The following ZFYVE26 variants were observed in gnomAD, a reference collection of about 807,000 sequenced individuals.
ZFYVE26 encodes the protein zinc finger FYVE-type containing 26, also known as zinc finger FYVE domain-containing protein 26.
ZFYVE26 carries 181 observed loss-of-function variants against 276.5 expected under a neutral mutation model. That is an observed-to-expected ratio of 0.65 (90% confidence interval 0.58 to 0.74). The LOEUF (loss-of-function observed/expected upper bound fraction) is 0.74, where lower values mean the gene tolerates loss of function less well. ZFYVE26 is among the 30% of genes least tolerant of loss of function. ZFYVE26 has a pLI of 0.00. For missense variants in ZFYVE26, 2,821 were observed against 3,097.9 expected (o/e 0.91, Z 2.12); for synonymous variants, 1,129 against 1,203.1 (o/e 0.94, Z 1.27).
chr14:67,790,455 G>T, intron 15 of ZFYVE26, 117 bp downstream of exon 15: 1 of 1,107,128 alleles, frequency 9.0e-7, no homozygotes, highest in Non-Finnish European at 1.3e-6. Flanking sequence ...CAAGGCAGGT[G>T]TCCTGTATTT....
chr14:67,765,631 G>C (rs953724604), intron 32 of ZFYVE26, among the ~76,000 whole-genome samples: 1 of 152,206 alleles, frequency 6.6e-6, no homozygotes, highest in Non-Finnish European at 1.5e-5. Flanking sequence ...AGGAGTCACT[G>C]TCAGGTTAAT....
Position 67,777,843 on chromosome 14 carries a change from C to A in ZFYVE26, c.4798-108G>T, listed in dbSNP as rs570575572. On this transcript the variant is annotated intron_variant, in intron 24 of 41. Coordinates refer to ENST00000347230, the MANE Select transcript of ZFYVE26 (RefSeq NM_015346.4). ...TTAGGTTTACTCATTTTGGACTAAC[C>A]CTTTCTCTATACTCCTTTTTTTTTT... 5.4e-5 allele frequency: 77 copies of A among 1,428,840 alleles called. No individual in the cohort carries two copies. In the South Asian group the frequency reaches 8.3e-4, roughly 15 times the overall value. 88.5% of individuals were successfully genotyped at this position (1,428,840 alleles called of 1,614,324 possible).
intron 37 of ZFYVE26, among the ~76,000 whole-genome samples, chr14:67,754,639 G>A (rs755519875): frequency 2.6e-5 from 4 of 152,344 alleles, no homozygotes; most frequent in Non-Finnish European, 1.5e-5. Flanking sequence ...CAGATGTTGT[G>A]TTCTATGTAG....
At chr14:67,796,021 GAGAGTATGTGCA>G (rs1232684299) in intron 12 of ZFYVE26, among the ~76,000 whole-genome samples, 3 of 152,112 alleles carry the variant, frequency 2.0e-5, no homozygotes, top group Admixed American at 6.5e-5. Context: ...ATTGACTGAT[GAGAGTATGTGCA>G]AACAGGCAAT....
intron 13 of ZFYVE26, among the ~76,000 whole-genome samples, chr14:67,737,079 T>G (rs561803908): frequency 7.3e-6 from 1 of 137,094 alleles, no homozygotes; most frequent in South Asian, 2.6e-4. Flanking sequence ...CTTCATTTCT[T>G]TTTCTTTTCT....
rs1414400749 is a variant in ZFYVE26, at chr14:67,816,575, A to C, written c.-125T>G. 2 of 152,396 alleles carry C rather than the reference A, an allele frequency of 1.3e-5. No homozygotes were observed. Among genetic ancestry groups the C allele is most frequent in the Non-Finnish European group, 2.9e-5 (2 of 68,196 alleles). The allele number at this position is 152,396 out of a possible 1,614,324, so 9.4% of individuals were successfully genotyped here. ...AAGCAATAGAGCTCTCAGCGCAGCC[A>C]TGTTTGAGCCGAGTCAGGTGACAGA... On this transcript the variant is annotated 5_prime_UTR_variant, in exon 1 of 42. The change abolishes an upstream ATG in the 5' untranslated region. Transcript: ENST00000347230.
intron 22 of ZFYVE26, 27 bp downstream of exon 22, chr14:67,781,306 C>T (rs1321678434): frequency 1.2e-6 from 2 of 1,613,344 alleles, no homozygotes; most frequent in East Asian, 4.5e-5. Flanking sequence ...AAGCCCGTTC[C>T]CTTTCTCTTG....
In ZFYVE26 at chr14:67,752,424, C is replaced by G; in HGVS notation, c.7291G>C (p.Glu2431Gln). Residue 2431 changes from glutamate (E) to glutamine (Q), a missense_variant, in exon 40 of 42, where the codon GAG becomes CAG. Glu to Gln is a conservative substitution (Grantham distance 29). Coordinates refer to ENST00000347230, the MANE Select transcript of ZFYVE26 (RefSeq NM_015346.4). ...EIQQLLKCVSESGMAAKSDGD... is the reference protein window; with the variant it reads ...EIQQLLKCVSQSGMAAKSDGD... Reference sequence around the variant, plus strand: ...TCACTTTTGGCTGCCATGCCTGACTCACTGACACATTTGAGCAGTTGCTGG... The same window carrying G: ...TCACTTTTGGCTGCCATGCCTGACTGACTGACACATTTGAGCAGTTGCTGG... The G allele has an allele frequency of 3.7e-6, 6 of 1,613,940 alleles. No homozygotes were observed. Among genetic ancestry groups the G allele is most frequent in the Non-Finnish European group, 5.1e-6 (6 of 1,179,958 alleles).
chr14:67,756,941 C>T (rs922694515), intron 35 of ZFYVE26, among the ~76,000 whole-genome samples: 2 of 152,206 alleles, frequency 1.3e-5, no homozygotes, highest in African/African-American at 4.8e-5. Context: ...TTCTTGAAAC[C>T]TGCTCTTTCC....
chr14:67,744,656 A>T (rs190005640), downstream of ZFYVE26, among the ~76,000 whole-genome samples: 408 of 152,308 alleles, frequency 2.7e-3, 1 homozygote, highest in Non-Finnish European at 4.6e-3. Context: ...GAGTGAGAAC[A>T]TGCGATGTTT....
rs79063483 is a variant in ZFYVE26, at chr14:67,757,592, A to G, written c.6589-1447T>C. 3.2e-3 allele frequency among the ~76,000 whole-genome samples: 482 copies of G among 151,922 alleles called. 17 individuals are homozygous for G. The East Asian group carries it at 0.079, about 25-fold the overall frequency. ...ATTCATCATCTACAATATCTATTTT[A>G]TTTCTCATGTTTACTATCTCTCTTC... On this transcript the variant is annotated intron_variant, in intron 35 of 41. Transcript: ENST00000347230.
chr14:67,815,699 G>A, intron 2 of ZFYVE26, 71 bp downstream of exon 2: 1 of 1,491,260 alleles, frequency 6.7e-7, no homozygotes, highest in South Asian at 1.1e-5. Context: ...GGGGCACATT[G>A]ACCAATGCCC....
intron 14 of ZFYVE26, among the ~76,000 whole-genome samples, chr14:67,793,163 A>T (rs1408761403): frequency 6.6e-6 from 1 of 152,112 alleles, no homozygotes; most frequent in Non-Finnish European, 1.5e-5. Flanking sequence ...AGGCTTAGGC[A>T]GGAGAATCGT....
chr14:67,799,166 C>T, intron 10 of ZFYVE26: 1 of 1,572,202 alleles, frequency 6.4e-7, no homozygotes, highest in Non-Finnish European at 8.8e-7. Context: ...AGAGGACATT[C>T]AAGCTTTTGA....
chr14:67,786,992 T>G (rs1452014792), intron 16 of ZFYVE26, among the ~76,000 whole-genome samples: 1 of 151,974 alleles, frequency 6.6e-6, no homozygotes, highest in South Asian at 2.1e-4. Context: ...AAAATCAAAA[T>G]AACTGAATTC....
chr14:67,755,011 T>C (rs1367120771), intron 37 of ZFYVE26, 40 bp downstream of exon 37: 1 of 1,609,762 alleles, frequency 6.2e-7, no homozygotes, highest in East Asian at 2.2e-5. Flanking sequence ...GCTCCCACCC[T>C]TTCTGCCCCA....
At chr14:67,769,802 A>T (rs1260169428) in intron 28 of ZFYVE26, 72 bp from the exon 29 acceptor site, 1 of 1,602,844 alleles carries the variant, frequency 6.2e-7, no homozygotes, top group Admixed American at 1.7e-5. Context: ...CCATTTATAC[A>T]TGGTATTAAC....
intron 21 of ZFYVE26, among the ~76,000 whole-genome samples, chr14:67,782,160 C>T (rs910067194): frequency 1.3e-5 from 2 of 152,238 alleles, no homozygotes; most frequent in South Asian, 2.1e-4. Context: ...TCACACCCAA[C>T]TCTTGTTGCA....
intron 3 of ZFYVE26, among the ~76,000 whole-genome samples, chr14:67,809,782 C>CTTTTTT (rs58842467): frequency 1.7e-5 from 2 of 120,114 alleles, no homozygotes; most frequent in Non-Finnish European, 3.4e-5. Context: ...ATTCTTTTCT[C>CTTTTTT]TTTTTTTTTT....
Sources: gnomAD v4.1 joint callset for allele counts (sites outside exome capture counted in the v4.1 genomes callset) on GRCh38, gnomAD v4.1.1 for gene constraint, MANE v1.5 for transcripts, NCBI Gene and HGNC (gene_info 2026-07-23, HGNC 2026-07-21) for gene names.